OPA1: variants seen among roughly 807,000 people sequenced by gnomAD.
OPA1 encodes the protein dynamin-like GTPase OPA1, mitochondrial.
Under a neutral mutation model 152.9 loss-of-function variants are expected in OPA1, and 59 were observed. The ratio of observed to expected loss-of-function variants is 0.39; its 90% CI spans 0.31 to 0.48. OPA1 has a LOEUF of 0.48. Among genes scored for constraint, OPA1 ranks in the 20% least tolerant of loss-of-function variants. The pLI is 0.96. For synonymous variants in OPA1, 400 were observed against 389.9 expected (o/e 1.03, Z -0.31); for missense variants, 1,008 against 1,216.8 (o/e 0.83, Z 2.55).
intron 6 of OPA1, among the ~76,000 whole-genome samples, chr3:193,624,500 A>G (rs944617180): frequency 2.0e-5 from 3 of 152,210 alleles, no homozygotes; most frequent in African/African-American, 7.2e-5. Context: ...AAAATAAATC[A>G]GGTTACTCTT....
intron 22 of OPA1, among the ~76,000 whole-genome samples, chr3:193,656,232 C>CT (rs1713774389): frequency 6.6e-6 from 1 of 152,142 alleles, no homozygotes; most frequent in African/African-American, 2.4e-5. Flanking sequence ...CTTTCCACTG[C>CT]TGCTTTCTGT....
intron 29 of OPA1, chr3:193,668,403 G>A: frequency 6.4e-7 from 1 of 1,551,054 alleles, no homozygotes. Context: ...CTTTTACCTT[G>A]TCTGGGCTCT....
chr3:193,625,932 C>T (rs142318513), intron 6 of OPA1, 160 bp from the exon 7 acceptor site: 52 of 644,328 alleles, frequency 8.1e-5, no homozygotes, highest in South Asian at 2.9e-4. Context: ...AATGGAAATG[C>T]GGTACAGAGC....
chr3:193,593,918 C>A (rs1034994265), intron 1 of OPA1, among the ~76,000 whole-genome samples: 9 of 152,100 alleles, frequency 5.9e-5, no homozygotes, highest in African/African-American at 2.2e-4. Flanking sequence ...TTTCCCTAGC[C>A]CGCTGATAGA....
intron 29 of OPA1, chr3:193,668,635 CA>C (rs1228498727): frequency 1.4e-5 from 22 of 1,521,542 alleles, no homozygotes; most frequent in Non-Finnish European, 1.8e-5. Context: ...CCCTCCTGCA[CA>C]GATACTCTCC....
chr3:193,619,145 G>A (rs1179195555), intron 6 of OPA1, among the ~76,000 whole-genome samples: 1 of 152,210 alleles, frequency 6.6e-6, no homozygotes, highest in Admixed American at 6.5e-5. Flanking sequence ...TTTCACATAT[G>A]TCCAGTGAAG....
At chr3:193,688,444 C>CTTGTCTTTTTTTTTTTTTTTTTTTT (rs1721217747) in intron 29 of OPA1, among the ~76,000 whole-genome samples, 1 of 38,520 alleles carries the variant, frequency 2.6e-5, no homozygotes, top group Non-Finnish European at 5.9e-5. Flanking sequence ...TGAAATGGGT[C>CTTGTCTTTTTTTTTTTTTTTTTTTT]TTTTCTTTTT....
intron 1 of OPA1, among the ~76,000 whole-genome samples, chr3:193,602,651 A>G (rs1391969481): frequency 1.3e-5 from 2 of 152,206 alleles, no homozygotes; most frequent in Non-Finnish European, 2.9e-5. Flanking sequence ...AGGCAACTCA[A>G]TTGATTCAGT....
chr3:193,679,143 G>A (rs998631827), intron 29 of OPA1, among the ~76,000 whole-genome samples: 23 of 152,104 alleles, frequency 1.5e-4, no homozygotes, highest in Admixed American at 1.3e-3. Context: ...CGTGGGGGGC[G>A]AGGGGAGGGA....
intron 27 of OPA1, among the ~76,000 whole-genome samples, 175 bp from the exon 28 acceptor site, chr3:193,666,121 C>G (rs1284810388): frequency 6.6e-6 from 1 of 152,164 alleles, no homozygotes; most frequent in South Asian, 2.1e-4. Flanking sequence ...TGCAGAATTT[C>G]ATGGCTCCGT....
chr3:193,642,625 T>A, intron 11 of OPA1, 140 bp from the exon 12 acceptor site: 1 of 690,146 alleles, frequency 1.4e-6, no homozygotes, highest in South Asian at 1.6e-5. Flanking sequence ...GTTGACAGCT[T>A]CAGGGGGTGC....
intron 30 of OPA1, 42 bp downstream of exon 30, chr3:193,692,174 C>T (rs985197351): frequency 1.0e-6 from 1 of 988,142 alleles, no homozygotes; most frequent in African/African-American, 1.6e-5. Flanking sequence ...TGACTAAATA[C>T]AAAATTACAC....
rs1409339839 is a variant in OPA1 at position 193,635,509 on chromosome 3, A to G, written c.935A>G (p.His312Arg). 2 of 1,593,856 alleles carry G rather than the reference A, an allele frequency of 1.3e-6. No individual in the cohort carries two copies. Among genetic ancestry groups the G allele is most frequent in the Admixed American group, 1.7e-5 (1 of 59,972 alleles). The change falls in exon 9 of 31, where the codon CAT becomes CGT. Residue 312 changes from histidine (H) to arginine (R), a missense_variant. Around this residue, in one of 7 missense-constraint regions of OPA1, gnomAD observed 408 missense variants for 395.1 expected, o/e 1.03. Transcript: ENST00000361510. ...VLQKDDKGIHHRKLKKSLIDM... is the reference protein window; with the variant it reads ...VLQKDDKGIHRRKLKKSLIDM... ...CAGAAAGATGACAAAGGCATTCATC[A>G]TAGAAAGCTTAAGGTATTCTAAGTT...
intron 29 of OPA1, chr3:193,668,853 T>G (rs1717293349): frequency 9.3e-7 from 1 of 1,073,274 alleles, no homozygotes; most frequent in Admixed American, 4.7e-5. Flanking sequence ...TACTAAAATT[T>G]ACTTAGATCT....
At chr3:193,645,511 TA>T in intron 16 of OPA1, 41 bp from the exon 17 acceptor site, 2 of 1,484,028 alleles carry the variant, frequency 1.3e-6, no homozygotes, top group Non-Finnish European at 1.9e-6. Context: ...AAAACTTATG[TA>T]AACTATATCT....
chr3:193,693,955 C>T (rs1303551439), intron 30 of OPA1, among the ~76,000 whole-genome samples: 1 of 151,986 alleles, frequency 6.6e-6, no homozygotes, highest in Non-Finnish European at 1.5e-5. Flanking sequence ...TGATGAAAGC[C>T]CCGGAAGCCC....
chr3:193,690,734 A>G (rs1721568850), intron 29 of OPA1, among the ~76,000 whole-genome samples: 1 of 152,236 alleles, frequency 6.6e-6, no homozygotes, highest in Non-Finnish European at 1.5e-5. Context: ...TATAAAAGAT[A>G]TAAATGTCAA....
intron 13 of OPA1, 149 bp downstream of exon 13, chr3:193,643,198 G>C (rs1166061337): frequency 1.1e-6 from 1 of 910,750 alleles, no homozygotes; most frequent in African/African-American, 1.7e-5. Flanking sequence ...ATATCATTTT[G>C]TGGGTAATTT....
intron 6 of OPA1, among the ~76,000 whole-genome samples, chr3:193,624,570 A>G (rs1730723001): frequency 1.3e-5 from 2 of 152,274 alleles, no homozygotes; most frequent in South Asian, 4.1e-4. Flanking sequence ...AATGATGAGG[A>G]TAGTAGTTAG....
Sources: gnomAD v4.1 joint callset for allele counts (sites outside exome capture counted in the v4.1 genomes callset) on GRCh38, gnomAD v4.1.1 for gene constraint, gnomAD v4.1.1 regional missense constraint, MANE v1.5 for transcripts, NCBI Gene and HGNC (gene_info 2026-07-23, HGNC 2026-07-21) for gene names.